The following DLG2 variants were observed in gnomAD, a reference collection of about 807,000 sequenced individuals.
DLG2 encodes the protein disks large homolog 2.
In DLG2, 45 loss-of-function variants were observed where a neutral mutation model predicts 132.5. The observed-to-expected ratio is 0.34, with a 90% CI of 0.27 to 0.44. The LOEUF is 0.44. Among genes scored for constraint, DLG2 ranks in the 20% least tolerant of loss-of-function variants. The pLI, the probability that DLG2 is intolerant of heterozygous loss-of-function variation, is 1.00. For missense variants in DLG2, 1,045 were observed against 1,196.9 expected (o/e 0.87, Z 1.87); for synonymous variants, 424 against 419.6 (o/e 1.01, Z -0.13).
chr11:85,038,582 C>A (rs1593084319), intron 6 of DLG2, among the ~76,000 whole-genome samples: 1 of 151,930 alleles, frequency 6.6e-6, no homozygotes, highest in African/African-American at 2.4e-5. Context: ...TTATATCCCG[C>A]CTCCAACTAA....
intron 5 of DLG2, among the ~76,000 whole-genome samples, chr11:85,123,327 A>G (rs1044522610): frequency 6.6e-6 from 1 of 152,018 alleles, no homozygotes; most frequent in South Asian, 2.1e-4. Context: ...TGGAAAATGT[A>G]TAGGAGTGGA....
intron 7 of DLG2, among the ~76,000 whole-genome samples, chr11:84,283,365 C>T (rs2097873106): frequency 6.6e-6 from 1 of 152,118 alleles, no homozygotes; most frequent in African/African-American, 2.4e-5. Flanking sequence ...GATAATAGTA[C>T]TTATCTCATA....
chr11:85,141,862 G>A (rs1344749111), intron 5 of DLG2, among the ~76,000 whole-genome samples: 1 of 151,562 alleles, frequency 6.6e-6, no homozygotes, highest in East Asian at 1.9e-4. Context: ...TTGAGTTCAT[G>A]GTAGATGTAT....
At chr11:84,893,166 T>C (rs1397471481) in intron 6 of DLG2, among the ~76,000 whole-genome samples, 1 of 152,146 alleles carries the variant, frequency 6.6e-6, no homozygotes, top group Non-Finnish European at 1.5e-5. Context: ...TTAGAAGGTC[T>C]CACTCCGATC....
intron 6 of DLG2, among the ~76,000 whole-genome samples, chr11:84,767,184 G>A (rs76656054): frequency 0.14 from 21,354 of 151,922 alleles, 1,713 homozygotes; most frequent in African/African-American, 0.22. Flanking sequence ...TACAGTAGAT[G>A]CTCATTAGAT....
chr11:84,252,623 TAC>T (rs1313154118), intron 7 of DLG2, among the ~76,000 whole-genome samples: 1 of 152,196 alleles, frequency 6.6e-6, no homozygotes, highest in African/African-American at 2.4e-5. Flanking sequence ...ACAGGAGTGC[TAC>T]AAGGCAAATC....
intron 11 of DLG2, among the ~76,000 whole-genome samples, chr11:84,006,511 A>G (rs2094580260): frequency 6.6e-6 from 1 of 151,574 alleles, no homozygotes; most frequent in African/African-American, 2.4e-5. Context: ...TAACACTTTA[A>G]GTATTTACAA....
chr11:83,499,785 AT>A (rs2094347655), intron 21 of DLG2, among the ~76,000 whole-genome samples: 1 of 140,530 alleles, frequency 7.1e-6, no homozygotes, highest in Non-Finnish European at 1.5e-5. Context: ...ATATATATAT[AT>A]TATATATATA....
In DLG2 at chr11:84,557,040, A is replaced by G. The variant is rs1476413754; in HGVS notation, c.358-22309T>C. Among the ~76,000 whole-genome samples, 5 of 152,184 alleles carry G rather than the reference A, an allele frequency of 3.3e-5. No homozygotes were observed. The East Asian group carries it at 7.7e-4, about 23-fold the overall frequency. On this transcript the variant is annotated intron_variant, in intron 6 of 27. Transcript: ENST00000376104. Reference sequence around the variant, plus strand: ...GAGGTAATTGTGGAATTTTATCTGTATAATTCCCTGTTTTCCCCAATAGTC... The same window carrying G: ...GAGGTAATTGTGGAATTTTATCTGTGTAATTCCCTGTTTTCCCCAATAGTC...
intron 3 of DLG2, among the ~76,000 whole-genome samples, chr11:85,497,959 C>A (rs2093706308): frequency 1.3e-5 from 2 of 152,292 alleles, no homozygotes; most frequent in South Asian, 4.1e-4. Context: ...CAACTGGTAC[C>A]AGCCACTGCA....
At position 84,167,027 on chromosome 11, in the gene DLG2, G is replaced by T. The variant is rs913576019; in HGVS notation, c.574-3516C>A. 5.6e-5 allele frequency: 30 copies of T among 532,782 alleles called. 1 individual carries two copies. The highest frequency in any genetic ancestry group is 3.2e-4 in the Middle Eastern group (1 of 3,130). The allele number at this position is 532,782 out of a possible 1,614,324, so 33.0% of individuals were successfully genotyped here. ...CACAGTTGGGGTTTCTGTTATTCCA[G>T]TTCTGGCCCTAACTGTCACAGCCTC... On this transcript the variant is annotated intron_variant, in intron 8 of 27. Transcript: ENST00000376104.
intron 21 of DLG2, among the ~76,000 whole-genome samples, chr11:83,512,049 G>A (rs2095056415): frequency 1.3e-5 from 2 of 152,180 alleles, no homozygotes; most frequent in South Asian, 2.1e-4. Flanking sequence ...AGGGCACCAC[G>A]GAGGGAGCCA....
chr11:84,439,576 A>G (rs938232368), intron 7 of DLG2, among the ~76,000 whole-genome samples: 7 of 152,166 alleles, frequency 4.6e-5, no homozygotes, highest in African/African-American at 1.7e-4. Context: ...AAATTTATCC[A>G]TATTATACCC....
At chr11:83,538,608 C>T (rs1214819269) in intron 20 of DLG2, among the ~76,000 whole-genome samples, 2 of 152,226 alleles carry the variant, frequency 1.3e-5, no homozygotes, top group Admixed American at 6.5e-5. Context: ...GTAAGTTACT[C>T]GACTTCTCTG....
Position 83,720,294 on chromosome 11 carries a change from GAAAAAAAAAA to G in DLG2, c.1825+66386_1825+66395del, listed in dbSNP as rs10573464. ...GGTGACAGAGTGAGACTCCATCTCA[GAAAAAAAAAA>G]AAAAAAAAAAAAAAAAAAAAAAGAA... On this transcript the variant is annotated intron_variant, in intron 18 of 27. Coordinates refer to ENST00000376104, the MANE Select transcript of DLG2 (RefSeq NM_001142699.3). Among the ~76,000 whole-genome samples, 148 of 27,302 alleles carry G rather than the reference GAAAAAAAAAA, an allele frequency of 5.4e-3. 1 individual carries two copies. The highest frequency in any genetic ancestry group is 0.045 in the Middle Eastern group (1 of 22). 17.9% of individuals were successfully genotyped at this position (27,302 alleles called of 152,430 possible).
chr11:83,986,459 T>C (rs917267738), intron 11 of DLG2, among the ~76,000 whole-genome samples: 2 of 150,898 alleles, frequency 1.3e-5, no homozygotes, highest in African/African-American at 4.9e-5. Context: ...CAGTCTATCA[T>C]TGTTGGACAT....
At chr11:83,900,851 C>T (rs2073202545) in intron 15 of DLG2, among the ~76,000 whole-genome samples, 1 of 152,162 alleles carries the variant, frequency 6.6e-6, no homozygotes, top group Non-Finnish European at 1.5e-5. Context: ...GATCCACTGA[C>T]AGCTTGCACT....
At chr11:84,628,123 T>TAC (rs1403001410) in intron 6 of DLG2, among the ~76,000 whole-genome samples, 6 of 140,912 alleles carry the variant, frequency 4.3e-5, no homozygotes, top group South Asian at 4.6e-4. Flanking sequence ...TATATATATA[T>TAC]ACACACATAT....
chr11:85,537,515 C>CTTTGATT (rs1565653513), intron 3 of DLG2, among the ~76,000 whole-genome samples: 3 of 148,172 alleles, frequency 2.0e-5, no homozygotes, highest in African/African-American at 7.8e-5. Context: ...GAGGGATGAA[C>CTTTGATT]AACTCCAGAC....
Sources: allele counts gnomAD v4.1 joint callset (sites outside exome capture counted in the v4.1 genomes callset), GRCh38; gene constraint gnomAD v4.1.1; transcripts MANE v1.5; gene names NCBI Gene and HGNC (gene_info 2026-07-23, HGNC 2026-07-21).